The following CERS6 variants were observed in gnomAD, a reference collection of about 807,000 sequenced individuals.
CERS6 encodes the protein ceramide synthase 6.
CERS6 carries 26 observed loss-of-function variants against 56.8 expected under a neutral mutation model. The observed-to-expected ratio is 0.46, with a 90% CI of 0.34 to 0.63. CERS6 has a LOEUF of 0.63. Ranked by LOEUF, CERS6 falls within the 30% of genes least tolerant of loss-of-function variation. The probability of loss-of-function intolerance (pLI) is 0.01; values close to 1 mark genes in which losing one functional copy is unlikely to be tolerated. For missense variants in CERS6, 415 were observed against 467.5 expected (o/e 0.89, Z 1.04); for synonymous variants, 164 against 173.3 (o/e 0.95, Z 0.42).
chr2:168,715,828 C>A (rs1434419369), intron 7 of CERS6, among the ~76,000 whole-genome samples: 3 of 152,180 alleles, frequency 2.0e-5, no homozygotes, highest in Middle Eastern at 3.4e-3. Flanking sequence ...AAAGTCTTTG[C>A]ATTTTATATT....
At chr2:168,573,512 T>TA (rs1332483349) in intron 3 of CERS6, among the ~76,000 whole-genome samples, 2 of 152,224 alleles carry the variant, frequency 1.3e-5, no homozygotes, top group Non-Finnish European at 2.9e-5. Flanking sequence ...GAACAGTGTT[T>TA]ATCTAGTGAT....
chr2:168,522,216 G>A (rs927332035), intron 1 of CERS6, among the ~76,000 whole-genome samples: 6 of 152,140 alleles, frequency 3.9e-5, no homozygotes, highest in Non-Finnish European at 5.9e-5. Context: ...ACAGATTTGG[G>A]GATCTGTGTA....
At chr2:168,552,065 G>C (rs1446963279) in intron 2 of CERS6, among the ~76,000 whole-genome samples, 1 of 152,052 alleles carries the variant, frequency 6.6e-6, no homozygotes, top group East Asian at 1.9e-4. Context: ...TTAACTTTTG[G>C]TATGTTAGAG....
intron 4 of CERS6, among the ~76,000 whole-genome samples, chr2:168,672,433 C>T (rs138192132): frequency 1.8e-3 from 277 of 152,194 alleles, no homozygotes; most frequent in Non-Finnish European, 3.0e-3. Context: ...TAGACATCAG[C>T]GAAGTCAGAA....
chr2:168,541,120 C>CTTTT (rs58965638), intron 1 of CERS6, among the ~76,000 whole-genome samples: 139,699 of 151,768 alleles, frequency 0.92, 64,869 homozygotes, highest in Non-Finnish European at 0.98. Context: ...GTGCCAGGTT[C>CTTTT]TTTTAATAAA....
At chr2:168,628,382 A>G (rs938984328) in intron 3 of CERS6, among the ~76,000 whole-genome samples, 6 of 152,160 alleles carry the variant, frequency 3.9e-5, no homozygotes, top group Non-Finnish European at 4.4e-5. Flanking sequence ...GTTGATGTCT[A>G]TAGACTTGGC....
rs868099849 is a variant in CERS6, at chr2:168,743,194, A to G, written c.846-22398A>G. Among the ~76,000 whole-genome samples, 417 of 143,576 alleles carry G rather than the reference A, an allele frequency of 2.9e-3. 1 individual carries two copies. The highest frequency in any genetic ancestry group is 9.8e-3 in the African/African-American group (385 of 39,202). The allele number at this position is 143,576 out of a possible 152,430, so 94.2% of individuals were successfully genotyped here. A position where few individuals can be genotyped will look rare whatever the true frequency, so the allele number is the denominator to read the frequency against. On this transcript the variant is annotated intron_variant, in intron 8 of 9. Transcript: ENST00000305747. ...TATGTGTGTGTGTATGTGTGTGTGT[A>G]TATATATATGTGTGTGTGTATGTGT... is the stretch of plus-strand genomic sequence containing the variant.
At chr2:168,547,481 G>C (rs1695487910) in intron 1 of CERS6, 115 bp from the exon 2 acceptor site, 5 of 698,250 alleles carry the variant, frequency 7.2e-6, no homozygotes, top group Middle Eastern at 5.8e-4. Context: ...GTACACCCAT[G>C]AAATCCTACC....
chr2:168,693,210 A>T (rs1461598964), intron 5 of CERS6, among the ~76,000 whole-genome samples: 2 of 152,118 alleles, frequency 1.3e-5, no homozygotes, highest in African/African-American at 4.8e-5. Context: ...TAGCCTCTTA[A>T]CCTGAATTAA....
At chr2:168,605,979 C>A (rs1273387158) in intron 3 of CERS6, among the ~76,000 whole-genome samples, 1 of 152,180 alleles carries the variant, frequency 6.6e-6, no homozygotes, top group Non-Finnish European at 1.5e-5. Context: ...CCCACTGGGG[C>A]ACTGCCTAGC....
chr2:168,677,706 A>C (rs961147659), intron 4 of CERS6, among the ~76,000 whole-genome samples: 3 of 152,174 alleles, frequency 2.0e-5, no homozygotes, highest in Non-Finnish European at 4.4e-5. Flanking sequence ...TATGTTGGTC[A>C]GGCTGGTATC....
intron 3 of CERS6, among the ~76,000 whole-genome samples, chr2:168,569,627 A>T (rs897727485): frequency 2.0e-5 from 3 of 152,248 alleles, no homozygotes; most frequent in African/African-American, 7.2e-5. Context: ...AGACAAAATC[A>T]GATATAAGCA....
intron 3 of CERS6, among the ~76,000 whole-genome samples, chr2:168,592,300 G>T (rs922273615): frequency 5.9e-5 from 9 of 152,128 alleles, no homozygotes; most frequent in African/African-American, 2.2e-4. Context: ...TCTTCCAGCT[G>T]TGGGCAGAGG....
intron 3 of CERS6, among the ~76,000 whole-genome samples, chr2:168,589,969 A>C (rs71430637): frequency 6.6e-6 from 1 of 152,244 alleles, no homozygotes; most frequent in South Asian, 2.1e-4. Context: ...CACACAGACC[A>C]TGAGTTAATG....
intron 1 of CERS6, among the ~76,000 whole-genome samples, chr2:168,469,712 C>T (rs149874645): frequency 6.6e-6 from 1 of 152,264 alleles, no homozygotes; most frequent in Non-Finnish European, 1.5e-5. Context: ...CAGTTATTAA[C>T]ACAGAATTGA....
intron 1 of CERS6, among the ~76,000 whole-genome samples, chr2:168,479,836 G>A (rs957169560): frequency 6.6e-6 from 1 of 152,118 alleles, no homozygotes; most frequent in Admixed American, 6.5e-5. Context: ...TCGAACTTCC[G>A]ACCTAAGGTG....
intron 4 of CERS6, among the ~76,000 whole-genome samples, chr2:168,649,825 G>T (rs934880244): frequency 6.6e-6 from 1 of 151,128 alleles, no homozygotes; most frequent in Non-Finnish European, 1.5e-5. Flanking sequence ...TTTCCCCCTC[G>T]TAGAGGACTC....
chr2:168,640,966 T>C (rs76376388), intron 4 of CERS6, among the ~76,000 whole-genome samples: 5,992 of 152,214 alleles, frequency 0.039, 307 homozygotes, highest in African/African-American at 0.12. Flanking sequence ...CCCAGAGTGG[T>C]GACTGAGTGG....
intron 3 of CERS6, among the ~76,000 whole-genome samples, chr2:168,619,167 A>C (rs1684400393): frequency 6.6e-6 from 1 of 152,260 alleles, no homozygotes; most frequent in Non-Finnish European, 1.5e-5. Context: ...CACATGTAGG[A>C]GAATGAAACT....
Sources: gnomAD v4.1 joint callset for allele counts (sites outside exome capture counted in the v4.1 genomes callset) on GRCh38, gnomAD v4.1.1 for gene constraint, MANE v1.5 for transcripts, NCBI Gene and HGNC (gene_info 2026-07-23, HGNC 2026-07-21) for gene names.